NFIB: variants seen among roughly 807,000 people sequenced by gnomAD.
The protein encoded by NFIB is nuclear factor 1 B-type.
A neutral mutation model predicts 61.5 loss-of-function variants in NFIB; 11 were observed. The ratio of observed to expected loss-of-function variants is 0.18; its 90% CI spans 0.11 to 0.30. The LOEUF (loss-of-function observed/expected upper bound fraction) is 0.30. Ranked by LOEUF, NFIB falls within the 10% of genes least tolerant of loss-of-function variation. The pLI is 1.00. For synonymous variants in NFIB, 260 were observed against 216.5 expected (o/e 1.20, Z -1.76); for missense variants, 471 against 608.9 (o/e 0.77, Z 2.38).
intron 10 of NFIB, among the ~76,000 whole-genome samples, chr9:14,103,272 C>G (rs1051833017): frequency 1.3e-5 from 2 of 149,554 alleles, no homozygotes; most frequent in African/African-American, 4.9e-5. Flanking sequence ...AGCTGCCCTA[C>G]AGTGCTAGCA....
chr9:14,142,507 T>A (rs2041851675), intron 6 of NFIB, among the ~76,000 whole-genome samples: 1 of 152,152 alleles, frequency 6.6e-6, no homozygotes, highest in African/African-American at 2.4e-5. Context: ...TTTAGTCTCA[T>A]GAGAGTAACT....
chr9:14,418,825 T>C, the NFIB span, among the ~76,000 whole-genome samples: 1 of 152,200 alleles, frequency 6.6e-6, no homozygotes, highest in African/African-American at 2.4e-5. Context: ...TTATTTTTAT[T>C]GGTGCGTTAA....
chr9:14,459,727 CA>C, the NFIB span, among the ~76,000 whole-genome samples: 1 of 151,386 alleles, frequency 6.6e-6, no homozygotes, highest in Non-Finnish European at 1.5e-5. Flanking sequence ...GGACACTTCT[CA>C]AAAGAAGACA....
intron 2 of NFIB, among the ~76,000 whole-genome samples, chr9:14,290,314 C>T (rs533408551): frequency 3.3e-5 from 5 of 152,068 alleles, no homozygotes; most frequent in South Asian, 2.1e-4. Context: ...TATTTTTCTC[C>T]GCACTTTAGG....
At chr9:14,111,596 T>C (rs986160630) in intron 10 of NFIB, among the ~76,000 whole-genome samples, 7 of 152,154 alleles carry the variant, frequency 4.6e-5, no homozygotes, top group African/African-American at 1.4e-4. Flanking sequence ...AAAAACACAA[T>C]GGACACATAC....
At chr9:14,478,356 T>G in the NFIB span, among the ~76,000 whole-genome samples, 1 of 152,202 alleles carries the variant, frequency 6.6e-6, no homozygotes, top group African/African-American at 2.4e-5. Flanking sequence ...TCTCCTCTCC[T>G]TATCTTTTCT....
At chr9:14,309,480 C>G (rs1020636971) in intron 1 of NFIB, among the ~76,000 whole-genome samples, 1 of 152,168 alleles carries the variant, frequency 6.6e-6, no homozygotes, top group African/African-American at 2.4e-5. Context: ...GAGGCATACC[C>G]AAATGCCATA....
At chr9:14,525,281 A>C in the NFIB span, among the ~76,000 whole-genome samples, 2 of 152,222 alleles carry the variant, frequency 1.3e-5, no homozygotes. Context: ...ACCAATAATT[A>C]GTTATAACCC....
chr9:14,521,757 ATCAC>A, the NFIB span, among the ~76,000 whole-genome samples: 2 of 152,214 alleles, frequency 1.3e-5, no homozygotes, highest in Non-Finnish European at 2.9e-5. Context: ...TACATTAGCA[ATCAC>A]TCAGTCCCTA....
At chr9:14,205,837 AT>A (rs1249385447) in intron 2 of NFIB, among the ~76,000 whole-genome samples, 2 of 151,992 alleles carry the variant, frequency 1.3e-5, no homozygotes, top group Non-Finnish European at 2.9e-5. Context: ...TGTTTACTTA[AT>A]TTTTTTAAGT....
chr9:14,521,775 G>C, the NFIB span, among the ~76,000 whole-genome samples: 1 of 152,224 alleles, frequency 6.6e-6, no homozygotes. Context: ...GTCCCTAAAT[G>C]ATGCCTGTTT....
chr9:14,474,170 T>C, the NFIB span, among the ~76,000 whole-genome samples: 1 of 152,202 alleles, frequency 6.6e-6, no homozygotes, highest in African/African-American at 2.4e-5. Flanking sequence ...TAGAATATCA[T>C]AAACTGGGTG....
the NFIB span, among the ~76,000 whole-genome samples, chr9:14,442,743 ACT>A: frequency 6.6e-6 from 1 of 151,730 alleles, no homozygotes; most frequent in Non-Finnish European, 1.5e-5. Flanking sequence ...CTCTGTAAAG[ACT>A]CTCTGAATAA....
upstream of NFIB, among the ~76,000 whole-genome samples, chr9:14,315,459 C>T (rs2060498605): frequency 6.7e-6 from 1 of 148,382 alleles, no homozygotes; most frequent in Non-Finnish European, 1.5e-5. Context: ...TCCCCACCCC[C>T]CGGGGCCCGG....
chr9:14,184,208 A>G (rs2047102463), intron 2 of NFIB, among the ~76,000 whole-genome samples: 1 of 152,198 alleles, frequency 6.6e-6, no homozygotes, highest in African/African-American at 2.4e-5. Context: ...ATTAAAACTT[A>G]TGTTCTCTAT....
chr9:14,335,674 A>G (rs2060878707), intron 1 of NFIB, among the ~76,000 whole-genome samples: 1 of 152,238 alleles, frequency 6.6e-6, no homozygotes, highest in Non-Finnish European at 1.5e-5. Context: ...TTAGAAGAGC[A>G]GAATTTTTAA....
intron 2 of NFIB, among the ~76,000 whole-genome samples, chr9:14,209,116 C>A (rs1358623345): frequency 6.6e-6 from 1 of 152,194 alleles, no homozygotes; most frequent in Non-Finnish European, 1.5e-5. Context: ...CACAGCCCAG[C>A]CTTTTTCATA....
chr9:14,173,672 C>A lies in NFIB; in HGVS notation c.616+6055G>T, dbSNP rs189832506. Among the ~76,000 whole-genome samples, 323 of 152,212 alleles carry A rather than the reference C, an allele frequency of 2.1e-3. 6 individuals are homozygous for A. The highest frequency in any genetic ancestry group is 0.013 in the Admixed American group (193 of 15,286). On this transcript the variant is annotated intron_variant, in intron 3 of 10. Transcript: ENST00000380953. The stretch of plus-strand genomic sequence containing the variant: ...AAATGGTGTGTATTTTACACAAGGG[C>A]AAATGGCTGTCTCTGCTTCTAATGT...
chr9:14,459,918 G>T, the NFIB span, among the ~76,000 whole-genome samples: 60,696 of 150,178 alleles, frequency 0.4, 13,203 homozygotes, highest in Admixed American at 0.52. Context: ...ACACTGTTGG[G>T]GGGACTGTAG....
Sources: gnomAD v4.1 joint callset for allele counts (sites outside exome capture counted in the v4.1 genomes callset) on GRCh38, gnomAD v4.1.1 for gene constraint, MANE v1.5 for transcripts, NCBI Gene and HGNC (gene_info 2026-07-23, HGNC 2026-07-21) for gene names.